The following RERG variants were observed in gnomAD, a reference collection of about 807,000 sequenced individuals.
The protein encoded by RERG is RAS like estrogen regulated growth inhibitor, also known as ras-related and estrogen-regulated growth inhibitor.
In RERG, 25 loss-of-function variants were observed where a neutral mutation model predicts 23.2. That is an observed-to-expected ratio of 1.08 (90% confidence interval 0.79 to 1.50). The LOEUF is 1.50. Ranked by LOEUF, RERG falls within the 40% of genes most tolerant of loss-of-function variation. RERG has a pLI of 0.00. For missense variants in RERG, 253 were observed against 250.1 expected (o/e 1.01, Z -0.08); for synonymous variants, 81 against 89.1 (o/e 0.91, Z 0.51).
chr12:15,168,279 C>T (rs1052452657), intron 2 of RERG, among the ~76,000 whole-genome samples: 2 of 152,132 alleles, frequency 1.3e-5, no homozygotes, highest in African/African-American at 2.4e-5. Flanking sequence ...TTCTTCGTTG[C>T]GGTCTGCCTT....
rs898013197 is a variant in RERG, at chr12:15,109,372, A to C, written c.338T>G (p.Leu113Arg). 1.2e-6 allele frequency: 2 copies of C among 1,614,038 alleles called. No homozygotes were observed. The highest frequency in any genetic ancestry group is 2.2e-5 in the East Asian group (1 of 44,872). Reference protein sequence around the residue: ...DEIKKPKNVTLILVGNKADLD... With the variant: ...DEIKKPKNVTRILVGNKADLD... ...GTCAGCTTTGTTTCCAACCAAGATG[A>C]GAGTCACATTCTTGGGCTTTTTGAT... Residue 113 changes from leucine to arginine, a missense_variant, in exon 5 of 5, where the codon CTC (leucine) becomes CGC (arginine). Transcript: ENST00000256953.
At chr12:15,119,629 A>G (rs1377830761) in intron 3 of RERG, among the ~76,000 whole-genome samples, 2 of 152,182 alleles carry the variant, frequency 1.3e-5, no homozygotes, top group East Asian at 1.9e-4. Context: ...CAAATATATC[A>G]TCTTAAAATT....
intron 2 of RERG, chr12:15,138,215 T>C (rs1334176190): frequency 6.2e-6 from 1 of 160,752 alleles, no homozygotes; most frequent in Non-Finnish European, 1.4e-5. Context: ...GTGTCTGACA[T>C]TGGGGGAAAT....
At chr12:15,115,472 C>G (rs1270818765) in intron 3 of RERG, among the ~76,000 whole-genome samples, 1 of 151,958 alleles carries the variant, frequency 6.6e-6, no homozygotes, top group Non-Finnish European at 1.5e-5. Flanking sequence ...CAGTGGGTGT[C>G]AAAATAAGGG....
At chr12:15,134,620 T>TTA (rs1864112505) in intron 2 of RERG, among the ~76,000 whole-genome samples, 1 of 152,212 alleles carries the variant, frequency 6.6e-6, no homozygotes, top group South Asian at 2.1e-4. Flanking sequence ...TTTTCTTTTA[T>TTA]TATATATATT....
At chr12:15,120,835 C>T (rs1160484327) in intron 3 of RERG, among the ~76,000 whole-genome samples, 1 of 152,120 alleles carries the variant, frequency 6.6e-6, no homozygotes, top group Non-Finnish European at 1.5e-5. Flanking sequence ...TTCCTCATGG[C>T]TGAGGCTTGA....
At chr12:15,198,027 G>C (rs1865167804) in intron 2 of RERG, among the ~76,000 whole-genome samples, 1 of 152,128 alleles carries the variant, frequency 6.6e-6, no homozygotes, top group African/African-American at 2.4e-5. Flanking sequence ...AGATGCCTGA[G>C]AATCACAAAC....
At chr12:15,116,566 C>T (rs879898777) in intron 3 of RERG, among the ~76,000 whole-genome samples, 11 of 151,888 alleles carry the variant, frequency 7.2e-5, no homozygotes, top group South Asian at 2.1e-4. Context: ...GACATAGCAG[C>T]GTGTGGTAGC....
chr12:15,149,493 A>G (rs1487809728), intron 2 of RERG, among the ~76,000 whole-genome samples: 9 of 152,174 alleles, frequency 5.9e-5, no homozygotes, highest in Admixed American at 2.0e-4. Context: ...TTAGTACTCA[A>G]GGGCTTTGCA....
chr12:15,117,719 A>G (rs1023828470), intron 3 of RERG, among the ~76,000 whole-genome samples: 1 of 152,068 alleles, frequency 6.6e-6, no homozygotes, highest in Non-Finnish European at 1.5e-5. Context: ...TCACAGGCAC[A>G]CACATTCTAA....
rs369194062 is a variant in RERG at position 15,194,392 on chromosome 12, G to A, written c.61+23037C>T. On this transcript the variant is annotated intron_variant, in intron 2 of 4. Transcript: ENST00000256953. ...TCTCACATATTGTCTGCTACTCCTC[G>A]GTTCTCAAAATATATACACTCTCCC... Among the ~76,000 whole-genome samples the A allele has an allele frequency of 3.4e-4, 51 of 151,850 alleles. No individual in the cohort carries two copies. The South Asian group carries it at 7.3e-3, about 22-fold the overall frequency.
At chr12:15,194,416 C>A (rs1041713225) in intron 2 of RERG, among the ~76,000 whole-genome samples, 5 of 151,976 alleles carry the variant, frequency 3.3e-5, no homozygotes, top group Non-Finnish European at 5.9e-5. Context: ...ATACACTCTC[C>A]CCTCAGAACA....
rs184931885 is a variant in RERG, at chr12:15,128,744, T to C, written c.62-7625A>G. 6.6e-5 allele frequency among the ~76,000 whole-genome samples: 10 copies of C among 152,310 alleles called. No homozygotes were observed. In the East Asian group the frequency reaches 1.9e-3, roughly 29 times the overall value. On this transcript the variant is annotated intron_variant, in intron 2 of 4. Transcript: ENST00000256953. The stretch of plus-strand genomic sequence containing the variant: ...TGTGTATGGTGTGTCAGCCTTATAA[T>C]GGTTTGTCTTCCAGCTTAGGGACAA...
intron 2 of RERG, 24 bp downstream of exon 2, chr12:15,217,405 T>G: frequency 6.4e-7 from 1 of 1,563,368 alleles, no homozygotes. Context: ...ACACACACTA[T>G]AACAACCACA....
chr12:15,134,026 A>G (rs996703723), intron 2 of RERG, among the ~76,000 whole-genome samples: 3 of 151,948 alleles, frequency 2.0e-5, no homozygotes, highest in Non-Finnish European at 4.4e-5. Context: ...TCTTTGGCCA[A>G]TATTTTCTCC....
At chr12:15,135,334 A>G (rs1864126049) in intron 2 of RERG, among the ~76,000 whole-genome samples, 1 of 152,184 alleles carries the variant, frequency 6.6e-6, no homozygotes, top group Non-Finnish European at 1.5e-5. Context: ...AATTTTCTAC[A>G]TAGACGATCA....
At chr12:15,207,296 C>T (rs1865305117) in intron 2 of RERG, among the ~76,000 whole-genome samples, 1 of 151,960 alleles carries the variant, frequency 6.6e-6, no homozygotes, top group Admixed American at 6.6e-5. Flanking sequence ...CCAAAAGGCT[C>T]CCGATGCACC....
intron 2 of RERG, chr12:15,216,997 G>A (rs1345544598): frequency 6.5e-6 from 1 of 153,858 alleles, no homozygotes; most frequent in Non-Finnish European, 1.4e-5. Context: ...GATAAAGCTA[G>A]ATTCACTTAA....
rs1012315395 is a variant in RERG, at chr12:15,154,854, G to C, written c.62-33735C>G. 5.3e-5 allele frequency among the ~76,000 whole-genome samples: 8 copies of C among 152,028 alleles called. No individual in the cohort carries two copies. In the East Asian group the frequency reaches 1.5e-3, roughly 29 times the overall value. ...TTAAAAATGTATTAAACTTTAAAAG[G>C]GTCTTTCCTAATATTTGATGGAGGA... On this transcript the variant is annotated intron_variant, in intron 2 of 4. Coordinates refer to ENST00000256953, the MANE Select transcript of RERG (RefSeq NM_032918.3).
Sources: allele counts gnomAD v4.1 joint callset (sites outside exome capture counted in the v4.1 genomes callset), GRCh38; gene constraint gnomAD v4.1.1; transcripts MANE v1.5; gene names NCBI Gene and HGNC (gene_info 2026-07-23, HGNC 2026-07-21).